The following VCP variants were observed in gnomAD, a reference collection of about 807,000 sequenced individuals.
VCP encodes the protein transitional endoplasmic reticulum ATPase.
In VCP, 6 loss-of-function variants were observed where a neutral mutation model predicts 85.7. That is an observed-to-expected ratio of 0.07 (90% CI 0.04 to 0.14). The LOEUF (loss-of-function observed/expected upper bound fraction) is 0.14, where lower values mean the gene tolerates loss of function less well. Ranked by LOEUF, VCP falls within the 10% of genes least tolerant of loss-of-function variation. The pLI, the probability that VCP is intolerant of heterozygous loss-of-function variation, is 1.00. For synonymous variants in VCP, 384 were observed against 367.1 expected (o/e 1.05, Z -0.53); for missense variants, 353 against 1,043.4 (o/e 0.34, Z 9.12).
chr9:35,071,669 T>C, intron 1 of VCP: 1 of 978,200 alleles, frequency 1.0e-6, no homozygotes, highest in Non-Finnish European at 1.2e-6. Context: ...ACAACAGGCC[T>C]AAAGTAAGAA....
chr9:35,059,135 G>A lies in VCP; in HGVS notation c.2089C>T (p.Leu697=). The A allele has an allele frequency of 6.2e-7, 1 of 1,614,120 alleles. No individual in the cohort carries two copies. Among genetic ancestry groups the A allele is most frequent in the Non-Finnish European group, 8.5e-7 (1 of 1,180,032 alleles). The change falls in exon 15 of 17, where the codon CTG becomes TTG. Residue 697 remains leucine, a synonymous_variant. Transcript: ENST00000358901. This position sits in a 1 kb window ranked among gnomAD's most constrained non-coding sequence, Gnocchi z 4.9. ...LTEICQRACK[L]AIRESIESEI... is the part of the protein sequence containing the mutation. ...CTCTCGATGGATTCACGGATGGCCAGCTTGCAAGCACGCTGGCAAATCTCT... is the reference window on the plus strand; with the variant it reads ...CTCTCGATGGATTCACGGATGGCCAACTTGCAAGCACGCTGGCAAATCTCT...
chr9:35,071,905 G>T (rs933083129), intron 1 of VCP: 2 of 1,002,368 alleles, frequency 2.0e-6, no homozygotes. Flanking sequence ...CCCGGCTGGG[G>T]CCTCGGGCTC....
intron 15 of VCP, 120 bp downstream of exon 15, chr9:35,058,944 T>G: frequency 7.2e-7 from 1 of 1,396,974 alleles, no homozygotes; most frequent in Non-Finnish European, 1.0e-6. Context: ...GATGCCCTAT[T>G]AAAATTCTTC....
chr9:35,057,569 G>T (rs1306323916), intron 15 of VCP, 39 bp from the exon 16 acceptor site: 1 of 1,601,858 alleles, frequency 6.2e-7, no homozygotes, highest in Non-Finnish European at 8.5e-7. Flanking sequence ...GCTAGTTAAA[G>T]CCCAGCCTGG....
intron 1 of VCP, chr9:35,071,617 G>A (rs919593028): frequency 4.0e-6 from 3 of 741,864 alleles, no homozygotes; most frequent in Non-Finnish European, 1.6e-6. Context: ...CCACCCACGA[G>A]TCATAACATT....
At position 35,059,738 on chromosome 9, in the gene VCP, C is replaced by T. The variant is rs2131029519; in HGVS notation, c.1759G>A (p.Gly587Arg). 6.2e-7 allele frequency: 1 copy of T among 1,614,130 alleles called. No homozygotes were observed. The highest frequency in any genetic ancestry group is 1.3e-5 in the African/African-American group (1 of 75,012). Reference protein sequence around the residue: ...DELDSIAKARGGNIGDGGGAA... With the variant: ...DELDSIAKARRGNIGDGGGAA... Reference sequence around the variant, plus strand: ...CCACCACCATCTCCAATGTTACCTCCACGAGCCTTGGCAATCGAATCCAGC... The same window carrying T: ...CCACCACCATCTCCAATGTTACCTCTACGAGCCTTGGCAATCGAATCCAGC... The change falls in exon 14 of 17, where the codon GGA (glycine) becomes AGA (arginine). Residue 587 changes from glycine to arginine, a missense_variant. Gly to Arg is a moderately radical substitution (Grantham distance 125, BLOSUM62 -2). Transcript: ENST00000358901. The surrounding 1 kb of genome is among the most constrained non-coding windows in gnomAD (Gnocchi z 4.9).
Position 35,059,825 on chromosome 9 carries a change from A to G in VCP, c.1696-24T>C. 6.2e-7 allele frequency: 1 copy of G among 1,614,046 alleles called. No homozygotes were observed. The highest frequency in any genetic ancestry group is 8.5e-7 in the Non-Finnish European group (1 of 1,180,002). The stretch of plus-strand genomic sequence containing the variant: ...GCCTGTAGGAGGAATGGATTGATTC[A>G]AGCACTAACAAAACTAGATGTCTCT... On this transcript the variant is annotated intron_variant, in intron 13 of 16. Coordinates refer to ENST00000358901, the MANE Select transcript of VCP (RefSeq NM_007126.5). The surrounding 1 kb of genome is among the most constrained non-coding windows in gnomAD (Gnocchi z 4.9).
rs34301260 is a variant in VCP, at chr9:35,066,264, CTT to C, written c.445+409_445+410del. ...TGGGCATCATAGTGAGACCCTGTCT[CTT>C]TTTTTTTTTTTTTGAGACAGAGTCT... is the stretch of plus-strand genomic sequence containing the variant. On this transcript the variant is annotated intron_variant, in intron 4 of 16. Coordinates refer to ENST00000358901, the MANE Select transcript of VCP (RefSeq NM_007126.5). Among the ~76,000 whole-genome samples, 351 of 132,828 alleles carry C rather than the reference CTT, an allele frequency of 2.6e-3. 1 individual carries two copies. Among genetic ancestry groups the C allele is most frequent in the African/African-American group, 5.6e-3 (203 of 36,270 alleles). 87.1% of individuals were successfully genotyped at this position (132,828 alleles called of 152,430 possible). A position where few individuals can be genotyped will look rare whatever the true frequency, so the allele number is the denominator to read the frequency against.
At chr9:35,069,758 CTTTTT>C (rs1449955065) in intron 1 of VCP, among the ~76,000 whole-genome samples, 2 of 152,138 alleles carry the variant, frequency 1.3e-5, no homozygotes, top group Admixed American at 1.3e-4. Flanking sequence ...AGCGCTCTCT[CTTTTT>C]TAAGAGCGGC....
In VCP at chr9:35,056,595, C is replaced by A; in HGVS notation, c.*522G>T. 1 of 179,876 alleles carries A rather than the reference C, an allele frequency of 5.6e-6. No homozygotes were observed. The highest frequency in any genetic ancestry group is 1.2e-5 in the Non-Finnish European group (1 of 83,166). The allele number at this position is 179,876 out of a possible 1,614,324, so 11.1% of individuals were successfully genotyped here. On this transcript the variant is annotated 3_prime_UTR_variant, in exon 17 of 17. Transcript: ENST00000358901. The stretch of plus-strand genomic sequence containing the variant: ...TGACCCAACGTTTATTGTCCTTTTA[C>A]AACATGTCATTTTTTGGTTTAGAAA...
At position 35,068,076 on chromosome 9, in the gene VCP, A is replaced by G. The variant is rs776054562; in HGVS notation, c.130-13T>C. 1 of 1,614,222 alleles carries G rather than the reference A, an allele frequency of 6.2e-7. No homozygotes were observed. The highest frequency in any genetic ancestry group is 8.5e-7 in the Non-Finnish European group (1 of 1,180,048). On this transcript the variant is annotated splice_polypyrimidine_tract_variant and intron_variant, in intron 2 of 16. Coordinates refer to ENST00000358901, the MANE Select transcript of VCP (RefSeq NM_007126.5). ...CATCCATCTTGGGCTGAGGAAAGAA[A>G]GTTAAGGCCTTTGGGTCATTGGGCT...
intron 4 of VCP, among the ~76,000 whole-genome samples, chr9:35,065,943 T>C (rs1408716013): frequency 6.6e-6 from 1 of 152,018 alleles, no homozygotes; most frequent in African/African-American, 2.4e-5. Flanking sequence ...CTGACCAACA[T>C]GGTGAAACCC....
At chr9:35,065,599 A>T (rs902697987) in intron 4 of VCP, among the ~76,000 whole-genome samples, 1 of 152,188 alleles carries the variant, frequency 6.6e-6, no homozygotes, top group Non-Finnish European at 1.5e-5. Flanking sequence ...GAGGTCAGTG[A>T]ACAAAACCTG....
intron 4 of VCP, 36 bp downstream of exon 4, chr9:35,066,637 TAC>T (rs1563980325): frequency 6.2e-7 from 1 of 1,611,178 alleles, no homozygotes; most frequent in South Asian, 1.1e-5. Context: ...GTTTATTCCC[TAC>T]AGTCAATAAT....
intron 3 of VCP, among the ~76,000 whole-genome samples, chr9:35,067,084 T>C (rs920757407): frequency 1.3e-5 from 2 of 152,164 alleles, no homozygotes; most frequent in Non-Finnish European, 2.9e-5. Flanking sequence ...CCAAGGATGA[T>C]CCCCTTCTAG....
rs1249515963 is a variant in VCP, at chr9:35,072,274, T to C, written c.17+63A>G. 5.4e-6 allele frequency: 8 copies of C among 1,482,628 alleles called. No homozygotes were observed. In the African/African-American group the frequency reaches 5.9e-5, roughly 11 times the overall value. 91.8% of individuals were successfully genotyped at this position (1,482,628 alleles called of 1,614,324 possible). A position where few individuals can be genotyped will look rare whatever the true frequency, so the allele number is the denominator to read the frequency against. On this transcript the variant is annotated intron_variant, in intron 1 of 16. Coordinates refer to ENST00000358901, the MANE Select transcript of VCP (RefSeq NM_007126.5). Reference sequence around the variant, plus strand: ...GCCCACGGCCAGGCCCCGCCGGGCCTACCCTGCGCGGCTGGTCCCGGTGCG... The same window carrying C: ...GCCCACGGCCAGGCCCCGCCGGGCCCACCCTGCGCGGCTGGTCCCGGTGCG...
At chr9:35,064,709 C>G (rs1166676460) in intron 5 of VCP, among the ~76,000 whole-genome samples, 2 of 152,164 alleles carry the variant, frequency 1.3e-5, no homozygotes, top group Non-Finnish European at 2.9e-5. Context: ...CCACCATCAG[C>G]TTTACTTCAA....
chr9:35,072,501 C>T lies in VCP; in HGVS notation c.-148G>A. 9.5e-7 allele frequency: 1 copy of T among 1,051,158 alleles called. No individual in the cohort carries two copies. The highest frequency in any genetic ancestry group is 2.2e-5 in the South Asian group (1 of 46,400). The allele number at this position is 1,051,158 out of a possible 1,614,324, so 65.1% of individuals were successfully genotyped here. A position where few individuals can be genotyped will look rare whatever the true frequency, so the allele number is the denominator to read the frequency against. ...CCCGCAAGCGGCTTCCCTCTCGCTTCCTCCCACCGGCAGCGAGGCGTCGGG... is the reference window on the plus strand; with the variant it reads ...CCCGCAAGCGGCTTCCCTCTCGCTTTCTCCCACCGGCAGCGAGGCGTCGGG... On this transcript the variant is annotated 5_prime_UTR_variant, in exon 1 of 17. Coordinates refer to ENST00000358901, the MANE Select transcript of VCP (RefSeq NM_007126.5).
chr9:35,063,162 G>T, intron 6 of VCP, 82 bp from the exon 7 acceptor site: 1 of 1,250,698 alleles, frequency 8.0e-7, no homozygotes, highest in Non-Finnish European at 1.2e-6. Flanking sequence ...CAGAGAGGGT[G>T]AGAATCAGGC....
Sources: gnomAD v4.1 joint callset for allele counts (sites outside exome capture counted in the v4.1 genomes callset) on GRCh38, gnomAD v4.1.1 for gene constraint, Gnocchi (gnomAD v3.1) non-coding constraint, MANE v1.5 for transcripts, NCBI Gene and HGNC (gene_info 2026-07-23, HGNC 2026-07-21) for gene names.